The following NCOA7 variants were observed in gnomAD, a reference collection of about 807,000 sequenced individuals.
NCOA7 encodes the protein nuclear receptor coactivator 7, also known as 140 kDa estrogen receptor-associated protein.
Under a neutral mutation model 104.3 loss-of-function variants are expected in NCOA7, and 45 were observed. That is an observed-to-expected ratio of 0.43 (90% confidence interval 0.34 to 0.55). The LOEUF is 0.55. Among genes scored for constraint, NCOA7 ranks in the 20% least tolerant of loss-of-function variants. NCOA7 has a pLI of 0.02. For synonymous variants in NCOA7, 398 were observed against 402.3 expected (o/e 0.99, Z 0.13); for missense variants, 1,041 against 1,119.7 (o/e 0.93, Z 1.00).
intron 10 of NCOA7, among the ~76,000 whole-genome samples, chr6:125,894,988 G>T (rs1308041052): frequency 6.6e-6 from 1 of 152,080 alleles, no homozygotes; most frequent in African/African-American, 2.4e-5. Flanking sequence ...TTAACACTTT[G>T]TAGAGATATA....
intron 11 of NCOA7, chr6:125,919,485 T>C (rs142243836): frequency 2.6e-6 from 4 of 1,535,822 alleles, no homozygotes; most frequent in East Asian, 2.3e-5. Context: ...TTCTCAGTGA[T>C]GTACCTCCGA....
chr6:125,800,481 G>T (rs958796430), intron 1 of NCOA7, among the ~76,000 whole-genome samples: 90 of 152,176 alleles, frequency 5.9e-4, no homozygotes, highest in African/African-American at 2.0e-3. Context: ...ATAAAAAGTG[G>T]AGACCACTAA....
rs2128620045 is a variant in NCOA7, at chr6:125,855,228, T to C, written c.259T>C (p.Tyr87His). The C allele has an allele frequency of 1.9e-6, 3 of 1,608,438 alleles. No individual in the cohort carries two copies. Among genetic ancestry groups the C allele is most frequent in the East Asian group, 4.5e-5 (2 of 44,818 alleles). ...GATCAGGCGTACAGAACTAAAGAGA[T>C]ATTATAGTATTGGTGAGTATTCATG... ...KEIRRTELKR[Y>H]YSIDDNQNKT... The change falls in exon 3 of 16, where the codon TAT becomes CAT. Residue 87 changes from tyrosine to histidine, a missense_variant. By Grantham distance (83) the Tyr-to-His change is moderately conservative. Transcript: ENST00000392477.
At chr6:125,920,755 A>C (rs1407396236) in intron 11 of NCOA7, among the ~76,000 whole-genome samples, 188 bp from the exon 12 acceptor site, 3 of 152,150 alleles carry the variant, frequency 2.0e-5, no homozygotes, top group African/African-American at 7.2e-5. Flanking sequence ...CCTCGATTGT[A>C]CTGTCTTTAA....
intron 11 of NCOA7, among the ~76,000 whole-genome samples, chr6:125,920,700 C>A (rs979928298): frequency 6.6e-6 from 1 of 152,198 alleles, no homozygotes; most frequent in Non-Finnish European, 1.5e-5. Flanking sequence ...TGAGCCACCA[C>A]GTCTAGCCTT....
Position 125,928,855 on chromosome 6 carries a change from C to A in NCOA7, c.*84C>A. 2 of 1,451,086 alleles carry A rather than the reference C, an allele frequency of 1.4e-6. No homozygotes were observed. The highest frequency in any genetic ancestry group is 1.9e-6 in the Non-Finnish European group (2 of 1,078,634). The allele number at this position is 1,451,086 out of a possible 1,614,324, so 89.9% of individuals were successfully genotyped here. ...AGCTGGCTGGAAAAAGAAGCCCCAG[C>A]CCAGCCTGCCTCATCCCACCCCAAT... On this transcript the variant is annotated 3_prime_UTR_variant, in exon 16 of 16. Transcript: ENST00000392477.
chr6:125,891,622 C>G (rs1460165565), intron 10 of NCOA7, among the ~76,000 whole-genome samples: 1 of 152,192 alleles, frequency 6.6e-6, no homozygotes, highest in East Asian at 1.9e-4. Flanking sequence ...AGCAAATACA[C>G]TCAGCAAGCT....
chr6:125,847,601 AT>A (rs1486307722), intron 2 of NCOA7, among the ~76,000 whole-genome samples: 1 of 152,216 alleles, frequency 6.6e-6, no homozygotes, highest in Non-Finnish European at 1.5e-5. Flanking sequence ...TGTGGCTAAT[AT>A]GTAGAAAGCT....
intron 1 of NCOA7, among the ~76,000 whole-genome samples, chr6:125,802,655 G>A (rs571201771): frequency 6.6e-6 from 1 of 152,194 alleles, no homozygotes. Flanking sequence ...GGGTACGGAT[G>A]TATAATTATC....
chr6:125,903,661 G>C (rs1785703994), intron 10 of NCOA7, among the ~76,000 whole-genome samples: 1 of 151,082 alleles, frequency 6.6e-6, no homozygotes, highest in Non-Finnish European at 1.5e-5. Flanking sequence ...AGCAATATCT[G>C]TGAAATCAGA....
intron 10 of NCOA7, among the ~76,000 whole-genome samples, chr6:125,900,771 AAAGTT>A (rs947160497): frequency 2.6e-5 from 4 of 152,234 alleles, no homozygotes; most frequent in African/African-American, 9.6e-5. Flanking sequence ...GTAAATAAAT[AAAGTT>A]GTTTTTTTTT....
intron 3 of NCOA7, among the ~76,000 whole-genome samples, chr6:125,860,639 C>T (rs529669937): frequency 6.6e-6 from 1 of 152,330 alleles, no homozygotes; most frequent in African/African-American, 2.4e-5. Flanking sequence ...TGAGCCACAG[C>T]ACCCCGCCCG....
chr6:125,839,066 T>A (rs2128601468), intron 2 of NCOA7, among the ~76,000 whole-genome samples: 1 of 152,262 alleles, frequency 6.6e-6, no homozygotes, highest in Admixed American at 6.5e-5. Flanking sequence ...TCTTGGAGGT[T>A]CATTACCTAT....
chr6:125,855,266 T>C, intron 3 of NCOA7, 26 bp downstream of exon 3: 1 of 1,501,626 alleles, frequency 6.7e-7, no homozygotes, highest in East Asian at 2.3e-5. Flanking sequence ...GTTACTGCAG[T>C]ATTTTCATTT....
At chr6:125,869,229 C>T (rs775371485) in intron 3 of NCOA7, among the ~76,000 whole-genome samples, 1 of 152,128 alleles carries the variant, frequency 6.6e-6, no homozygotes, top group South Asian at 2.1e-4. Context: ...CCAGATGCTC[C>T]GGTTTGAAGG....
intron 2 of NCOA7, among the ~76,000 whole-genome samples, chr6:125,817,579 CT>C (rs1777710043): frequency 6.6e-6 from 1 of 152,170 alleles, no homozygotes; most frequent in African/African-American, 2.4e-5. Flanking sequence ...TTAGTGGCAT[CT>C]CCTTTCCTAT....
At chr6:125,915,583 G>A in intron 11 of NCOA7, 103 bp downstream of exon 11, 2 of 1,379,022 alleles carry the variant, frequency 1.5e-6, no homozygotes, top group African/African-American at 1.5e-5. Flanking sequence ...TAGAGTCCCT[G>A]TGCACCTATG....
chr6:125,787,355 A>G (rs1384163480), upstream of NCOA7, among the ~76,000 whole-genome samples: 1 of 152,226 alleles, frequency 6.6e-6, no homozygotes, highest in Non-Finnish European at 1.5e-5. Context: ...ACACATTTGC[A>G]GGATTGCCAC....
At chr6:125,903,059 C>T (rs1785646875) in intron 10 of NCOA7, among the ~76,000 whole-genome samples, 2 of 152,254 alleles carry the variant, frequency 1.3e-5, no homozygotes, top group African/African-American at 2.4e-5. Flanking sequence ...CTTTGAATTT[C>T]TTCTTTAGAG....
Sources: gnomAD v4.1 joint callset for allele counts (sites outside exome capture counted in the v4.1 genomes callset) on GRCh38, gnomAD v4.1.1 for gene constraint, MANE v1.5 for transcripts, NCBI Gene and HGNC (gene_info 2026-07-23, HGNC 2026-07-21) for gene names.